TRMT44: variants seen among roughly 807,000 people sequenced by gnomAD.
The protein encoded by TRMT44 is tRNA methyltransferase 44 homolog.
In TRMT44, 78 loss-of-function variants were observed where a neutral mutation model predicts 77.3. The ratio of observed to expected loss-of-function variants is 1.01; its 90% CI spans 0.84 to 1.22. TRMT44 has a LOEUF of 1.22. Ranked by LOEUF, TRMT44 falls within the 50% of genes most tolerant of loss-of-function variation. TRMT44 has a pLI of 0.00. For synonymous variants in TRMT44, 391 were observed against 383.3 expected (o/e 1.02, Z -0.23); for missense variants, 1,090 against 964.4 (o/e 1.13, Z -1.73).
At chr4:8,495,651 C>T (rs1322723497), downstream of TRMT44, among the ~76,000 whole-genome samples, 2 of 152,242 alleles carry the variant, frequency 1.3e-5, no homozygotes, top group African/African-American at 4.8e-5. Context: ...CCTCATATCT[C>T]CTTCCAGAAT....
At chr4:8,449,265 C>T (rs1016027177) in intron 2 of TRMT44, among the ~76,000 whole-genome samples, 3 of 152,204 alleles carry the variant, frequency 2.0e-5, no homozygotes, top group African/African-American at 7.2e-5. Flanking sequence ...CTGAGCACTT[C>T]GCCTTCTGGC....
chr4:8,491,911 G>C lies in TRMT44; in HGVS notation n.3892-1355G>C, dbSNP rs370949762. ...CAAGTGCCGCCAAAGTGGGAGCCCAGGCAGAGGAGGCACTGAGAGCGAGCG... is the reference window on the plus strand; with the variant it reads ...CAAGTGCCGCCAAAGTGGGAGCCCACGCAGAGGAGGCACTGAGAGCGAGCG... On this transcript the variant is annotated intron_variant and non_coding_transcript_variant, in intron 2 of 2. Coordinates refer to the TRMT44 transcript ENST00000511366. 1.1e-4 allele frequency among the ~76,000 whole-genome samples: 16 copies of C among 152,376 alleles called. No individual in the cohort carries two copies. The East Asian group carries it at 2.9e-3, about 28-fold the overall frequency.
chr4:8,458,035 G>T (rs1045257551), intron 6 of TRMT44, among the ~76,000 whole-genome samples: 2 of 152,128 alleles, frequency 1.3e-5, no homozygotes, highest in Non-Finnish European at 2.9e-5. Flanking sequence ...TGATGAGGAA[G>T]AATATGTAAA....
the TRMT44 span, chr4:8,512,725 T>G: frequency 2.0e-5 from 3 of 152,206 alleles, no homozygotes; most frequent in Non-Finnish European, 1.5e-5. Flanking sequence ...TAGGGTGTCC[T>G]TCATGGGTTT....
At chr4:8,500,011 T>C in the TRMT44 span, among the ~76,000 whole-genome samples, 4 of 152,226 alleles carry the variant, frequency 2.6e-5, no homozygotes, top group Non-Finnish European at 5.9e-5. Context: ...GGACGATTGC[T>C]TGAGTTCAGA....
rs116651982 is a variant in TRMT44, at chr4:8,473,135, G to A, written c.2044+1935G>A. On this transcript the variant is annotated intron_variant, in intron 10 of 10. Transcript: ENST00000389737. Reference sequence around the variant, plus strand: ...GGTTTAGGTTTTGTTTTAAGCTAACGTGGCTAGTCTCAGAAAATGTTTATG... The same window carrying A: ...GGTTTAGGTTTTGTTTTAAGCTAACATGGCTAGTCTCAGAAAATGTTTATG... Among the ~76,000 whole-genome samples the A allele has an allele frequency of 4.0e-3, 615 of 152,326 alleles. 3 individuals carry two copies. The highest frequency in any genetic ancestry group is 5.0e-3 in the Non-Finnish European group (340 of 68,026).
At chr4:8,500,418 CCTGGGAGGCAGAGGTTG>C in the TRMT44 span, among the ~76,000 whole-genome samples, 3 of 151,838 alleles carry the variant, frequency 2.0e-5, no homozygotes, top group East Asian at 5.9e-4. Flanking sequence ...ATCGGTTGAA[CCTGGGAGGCAGAGGTTG>C]CTGTGAGCCA....
the TRMT44 span, among the ~76,000 whole-genome samples, chr4:8,507,959 C>T: frequency 2.5e-4 from 38 of 152,126 alleles, no homozygotes; most frequent in Admixed American, 2.6e-4. Flanking sequence ...CAGGCTGGAG[C>T]GTGACGGTGC....
At chr4:8,485,765 G>A (rs1326250544) in intron 2 of TRMT44, among the ~76,000 whole-genome samples, 1 of 152,174 alleles carries the variant, frequency 6.6e-6, no homozygotes, top group Admixed American at 6.5e-5. Flanking sequence ...AGGGAACGGG[G>A]CAGGTGAGGA....
downstream of TRMT44, among the ~76,000 whole-genome samples, chr4:8,494,986 G>A (rs945354482): frequency 5.3e-5 from 8 of 152,026 alleles, no homozygotes; most frequent in Non-Finnish European, 8.8e-5. Context: ...CATTAAACAC[G>A]GGTGAACGGT....
intron 2 of TRMT44, among the ~76,000 whole-genome samples, chr4:8,482,857 T>C (rs987576057): frequency 3.7e-5 from 5 of 134,102 alleles, no homozygotes; most frequent in African/African-American, 6.0e-5. Flanking sequence ...TGCCTTCTTA[T>C]AATAATAAGA....
rs2109202139 is a variant in TRMT44 at position 8,476,532 on chromosome 4, A to G, written c.*531A>G. 1 of 156,070 alleles carries G rather than the reference A, an allele frequency of 6.4e-6. No homozygotes were observed. The highest frequency in any genetic ancestry group is 2.0e-4 in the South Asian group (1 of 5,078). 9.7% of individuals were successfully genotyped at this position (156,070 alleles called of 1,614,324 possible). On this transcript the variant is annotated 3_prime_UTR_variant, in exon 11 of 11. Coordinates refer to ENST00000389737, the MANE Select transcript of TRMT44 (RefSeq NM_152544.3). ...GAGGTTGTTTTTAGAGTTACAGAGA[A>G]TAAAAACACTCATAATTTCCTGACA... is the stretch of plus-strand genomic sequence containing the variant.
At chr4:8,471,691 T>A (rs971285524) in intron 10 of TRMT44, among the ~76,000 whole-genome samples, 1 of 152,052 alleles carries the variant, frequency 6.6e-6, no homozygotes, top group Non-Finnish European at 1.5e-5. Flanking sequence ...CAGGCGGAGG[T>A]CCTGGTACCC....
At chr4:8,471,796 G>A (rs1383672986) in intron 10 of TRMT44, among the ~76,000 whole-genome samples, 4 of 152,220 alleles carry the variant, frequency 2.6e-5, no homozygotes, top group African/African-American at 7.2e-5. Flanking sequence ...CACTCAGCCC[G>A]CAAAGCAAGG....
At chr4:8,453,678 G>A (rs943553636) in intron 5 of TRMT44, 1 of 152,152 alleles carries the variant, frequency 6.6e-6, no homozygotes, top group Non-Finnish European at 1.5e-5. Context: ...GGTGTCTTGT[G>A]CCTGGAACTT....
chr4:8,503,753 T>C, the TRMT44 span, among the ~76,000 whole-genome samples: 2 of 152,234 alleles, frequency 1.3e-5, no homozygotes, highest in Non-Finnish European at 2.9e-5. Context: ...GCCTGGGCCC[T>C]GGCTCCCAGT....
At chr4:8,508,654 C>A in the TRMT44 span, 5 of 152,324 alleles carry the variant, frequency 3.3e-5, no homozygotes, top group African/African-American at 1.2e-4. Context: ...GCGCCTTGGG[C>A]GGCAGATCCC....
At chr4:8,454,639 C>A in intron 5 of TRMT44, 103 bp from the exon 6 acceptor site, 2 of 1,075,148 alleles carry the variant, frequency 1.9e-6, no homozygotes. Flanking sequence ...TCTTCTCTTG[C>A]CCTTCGTCCT....
chr4:8,477,163 T>G (rs1430193117), downstream of TRMT44: 2 of 152,328 alleles, frequency 1.3e-5, no homozygotes, highest in African/African-American at 4.8e-5. Flanking sequence ...TATATCTGCC[T>G]GATTATTGGC....
Sources: gnomAD v4.1 joint callset for allele counts (sites outside exome capture counted in the v4.1 genomes callset) on GRCh38, gnomAD v4.1.1 for gene constraint, MANE v1.5 for transcripts, NCBI Gene and HGNC (gene_info 2026-07-23, HGNC 2026-07-21) for gene names.